The following ADI1 variants were observed in gnomAD, a reference collection of about 807,000 sequenced individuals.
ADI1 encodes the protein acireductone dioxygenase 1, also known as acireductone dioxygenase.
Under a neutral mutation model 18.7 loss-of-function variants are expected in ADI1, and 21 were observed. The ratio of observed to expected loss-of-function variants is 1.13; its 90% CI spans 0.80 to 1.62. ADI1 has a LOEUF of 1.62. Among genes scored for constraint, ADI1 ranks in the 40% most tolerant of loss-of-function variants. The pLI is 0.00. For synonymous variants in ADI1, 90 were observed against 100.1 expected, an observed-to-expected ratio of 0.90 and a Z score of 0.60; for missense variants, 245 against 254.9, an observed-to-expected ratio of 0.96 and a Z score of 0.26.
chr2:3,514,723 T>A (rs1667361658), intron 1 of ADI1: 2 of 1,501,982 alleles, frequency 1.3e-6, no homozygotes. Context: ...AGAATTCATC[T>A]GAACTCTTAT....
chr2:3,511,183 CTT>C (rs144141334), intron 2 of ADI1, among the ~76,000 whole-genome samples: 2,482 of 152,314 alleles, frequency 0.016, 67 homozygotes, highest in African/African-American at 0.054. Flanking sequence ...CATTCTCTCT[CTT>C]GTTCCCATTC....
At chr2:3,504,681 T>C (rs1228607372) in intron 2 of ADI1, among the ~76,000 whole-genome samples, 1 of 152,178 alleles carries the variant, frequency 6.6e-6, no homozygotes, top group East Asian at 1.9e-4. Context: ...CGTATGTTTG[T>C]ATTGTTGGTT....
chr2:3,501,620 G>A (rs139379355), intron 2 of ADI1, among the ~76,000 whole-genome samples: 4 of 151,434 alleles, frequency 2.6e-5, no homozygotes, highest in Admixed American at 6.6e-5. Context: ...TGCAACCTCC[G>A]CCTCCCCGAT....
chr2:3,512,342 G>C (rs1444711395), intron 2 of ADI1, among the ~76,000 whole-genome samples: 2 of 152,242 alleles, frequency 1.3e-5, no homozygotes, highest in African/African-American at 4.8e-5. Context: ...AAAAACCTCA[G>C]AGGCATTTCA....
intron 3 of ADI1, chr2:3,500,482 G>A (rs112772519): frequency 3.3e-3 from 690 of 206,918 alleles, no homozygotes; most frequent in African/African-American, 0.015. Flanking sequence ...ATGCCTCACC[G>A]CCAAGCAAGG....
Position 3,497,519 on chromosome 2 carries a change from G to C in ADI1, c.*1444C>G, listed in dbSNP as rs762911419. 4 of 152,082 alleles carry C rather than the reference G, an allele frequency of 2.6e-5. No homozygotes were observed. Among genetic ancestry groups the C allele is most frequent in the Non-Finnish European group, 4.4e-5 (3 of 68,048 alleles). 9.4% of individuals were successfully genotyped at this position (152,082 alleles called of 1,614,324 possible). ...GCTCTTACTCTTTCTTCTTTTTTGA[G>C]ACAGAGTCTCGCTCTGTCACCCAGG... On this transcript the variant is annotated 3_prime_UTR_variant, in exon 4 of 4. Transcript: ENST00000327435.
At chr2:3,515,624 G>C (rs1039092633) in intron 1 of ADI1, 2 of 152,060 alleles carry the variant, frequency 1.3e-5, no homozygotes, top group African/African-American at 4.8e-5. Context: ...ATCTTTGTTA[G>C]ACCCTTATTA....
Position 3,497,747 on chromosome 2 carries a change from G to A in ADI1, c.*1216C>T, listed in dbSNP as rs1177221022. ...CAAGGAGGCGAAACTAGAGTCCGCA[G>A]GAGGCCAGCCCCGCACGAGGAGTTT... is the stretch of plus-strand genomic sequence containing the variant. On this transcript the variant is annotated 3_prime_UTR_variant, in exon 4 of 4. Coordinates refer to ENST00000327435, the MANE Select transcript of ADI1 (RefSeq NM_018269.4). 1 of 152,220 alleles carries A rather than the reference G, an allele frequency of 6.6e-6. No individual in the cohort carries two copies. The highest frequency in any genetic ancestry group is 1.5e-5 in the Non-Finnish European group (1 of 68,046). The allele number at this position is 152,220 out of a possible 1,614,324, so 9.4% of individuals were successfully genotyped here. A position where few individuals can be genotyped will look rare whatever the true frequency, so the allele number is the denominator to read the frequency against.
At chr2:3,509,369 T>C (rs1221442223) in intron 2 of ADI1, among the ~76,000 whole-genome samples, 1 of 152,178 alleles carries the variant, frequency 6.6e-6, no homozygotes, top group African/African-American at 2.4e-5. Context: ...AACAATGGAA[T>C]ACCCATTCTT....
At chr2:3,509,072 T>A (rs1427240995) in intron 2 of ADI1, among the ~76,000 whole-genome samples, 1 of 151,356 alleles carries the variant, frequency 6.6e-6, no homozygotes, top group Non-Finnish European at 1.5e-5. Flanking sequence ...AACAGCAAAA[T>A]CATCAGAGAT....
At chr2:3,515,294 G>C (rs149647265) in intron 1 of ADI1, 2,849 of 156,644 alleles carry the variant, frequency 0.018, 99 homozygotes, top group African/African-American at 0.063. Flanking sequence ...TTTCTGGGGG[G>C]AGGTCTATAA....
chr2:3,508,353 A>C (rs866680306), intron 2 of ADI1, among the ~76,000 whole-genome samples: 2,220 of 148,068 alleles, frequency 0.015, 88 homozygotes, highest in African/African-American at 0.052. Context: ...AAAAAAAAAA[A>C]AAAAAAACAA....
chr2:3,518,048 G>A (rs1387656647), intron 1 of ADI1, among the ~76,000 whole-genome samples: 1 of 152,142 alleles, frequency 6.6e-6, no homozygotes. Context: ...TTTGGATTGT[G>A]GATAAACATA....
Position 3,497,622 on chromosome 2 carries a change from C to T in ADI1, c.*1341G>A, listed in dbSNP as rs1013579740. Reference sequence around the variant, plus strand: ...TCTAAGAATCCTCCCACCTTAGCCTCCTGAGTAGCTGAGATTACAGGCATG... The same window carrying T: ...TCTAAGAATCCTCCCACCTTAGCCTTCTGAGTAGCTGAGATTACAGGCATG... On this transcript the variant is annotated 3_prime_UTR_variant, in exon 4 of 4. Coordinates refer to ENST00000327435, the MANE Select transcript of ADI1 (RefSeq NM_018269.4). The T allele has an allele frequency of 1.3e-5, 2 of 152,182 alleles. No homozygotes were observed. Among genetic ancestry groups the T allele is most frequent in the Non-Finnish European group, 2.9e-5 (2 of 68,076 alleles). The allele number at this position is 152,182 out of a possible 1,614,324, so 9.4% of individuals were successfully genotyped here.
Position 3,500,894 on chromosome 2 carries a change from A to G in ADI1, c.340T>C (p.Trp114Arg), listed in dbSNP as rs1349845064. Residue 114 changes from tryptophan to arginine, a missense_variant, in exon 3 of 4, where the codon TGG (tryptophan) becomes CGG (arginine). Transcript: ENST00000327435. ...YFDVRDKEDQ[W>R]IRIFMEKGDM... is the part of the protein sequence containing the mutation. ...CCCTTCTCCATGAAGATCCGGATCCACTGGTCCTCCTTGTCCCTCACATCG... is the reference window on the plus strand; with the variant it reads ...CCCTTCTCCATGAAGATCCGGATCCGCTGGTCCTCCTTGTCCCTCACATCG... The G allele has an allele frequency of 1.9e-6, 3 of 1,614,092 alleles. No homozygotes were observed. The highest frequency in any genetic ancestry group is 1.1e-5 in the South Asian group (1 of 91,088).
At chr2:3,511,409 GCTCT>G (rs930071393) in intron 2 of ADI1, among the ~76,000 whole-genome samples, 7 of 148,602 alleles carry the variant, frequency 4.7e-5, no homozygotes, top group South Asian at 4.3e-4. Context: ...GTGGCACCTT[GCTCT>G]CTCTTTCATT....
chr2:3,498,674 T>G lies in ADI1; in HGVS notation c.*289A>C. On this transcript the variant is annotated 3_prime_UTR_variant, in exon 4 of 4. Transcript: ENST00000327435. Reference sequence around the variant, plus strand: ...AGATGGGCATCTAAGGAACTGCATTTCGGGAGATGAAACTTTCATTTGGGA... The same window carrying G: ...AGATGGGCATCTAAGGAACTGCATTGCGGGAGATGAAACTTTCATTTGGGA... 1 of 312,468 alleles carries G rather than the reference T, an allele frequency of 3.2e-6. No homozygotes were observed. Among genetic ancestry groups the G allele is most frequent in the Non-Finnish European group, 5.8e-6 (1 of 173,148 alleles). The allele number at this position is 312,468 out of a possible 1,614,324, so 19.4% of individuals were successfully genotyped here.
intron 3 of ADI1, 167 bp downstream of exon 3, chr2:3,500,647 G>T: frequency 1.1e-6 from 1 of 887,754 alleles, no homozygotes. Context: ...CTGTCACCTC[G>T]GACATCGCCT....
intron 2 of ADI1, among the ~76,000 whole-genome samples, chr2:3,512,966 C>G (rs1000410082): frequency 1.3e-5 from 2 of 152,248 alleles, no homozygotes; most frequent in African/African-American, 4.8e-5. Flanking sequence ...GAGCCCATTC[C>G]TTGCACCAGT....
Sources: gnomAD v4.1 joint callset for allele counts (sites outside exome capture counted in the v4.1 genomes callset) on GRCh38, gnomAD v4.1.1 for gene constraint, MANE v1.5 for transcripts, NCBI Gene and HGNC (gene_info 2026-07-23, HGNC 2026-07-21) for gene names.